The following FAM162B variants were observed in gnomAD, a reference collection of about 807,000 sequenced individuals.
The protein encoded by FAM162B is family with sequence similarity 162 member B.
Under a neutral mutation model 20.0 loss-of-function variants are expected in FAM162B, and 16 were observed. The ratio of observed to expected loss-of-function variants is 0.80; its 90% CI spans 0.54 to 1.21. FAM162B has a LOEUF of 1.21. FAM162B is among the 50% of genes most tolerant of loss of function. FAM162B has a pLI of 0.00. For synonymous variants in FAM162B, 83 were observed against 89.7 expected, an observed-to-expected ratio of 0.93 and a Z score of 0.42; for missense variants, 260 against 227.5, an observed-to-expected ratio of 1.14 and a Z score of -0.92.
chr6:116,759,309 T>C (rs576131299), intron 3 of FAM162B, among the ~76,000 whole-genome samples: 4 of 149,458 alleles, frequency 2.7e-5, no homozygotes, highest in African/African-American at 9.8e-5. Context: ...CTTTTTTTTT[T>C]TTTTTTTATT....
chr6:116,764,518 T>A (rs975455750), intron 2 of FAM162B, among the ~76,000 whole-genome samples: 3 of 152,002 alleles, frequency 2.0e-5, no homozygotes, highest in African/African-American at 7.3e-5. Flanking sequence ...TTAGTTTGAG[T>A]TTTATCATCT....
At chr6:116,760,548 G>A (rs967981446) in intron 3 of FAM162B, among the ~76,000 whole-genome samples, 2 of 152,196 alleles carry the variant, frequency 1.3e-5, no homozygotes, top group Non-Finnish European at 2.9e-5. Flanking sequence ...TAAACAAATT[G>A]TCTAATTAAT....
chr6:116,762,076 C>A lies in FAM162B; in HGVS notation c.291G>T (p.Met97Ile), dbSNP rs778832747. Residue 97 changes from methionine (M) to isoleucine (I), a missense_variant, in exon 3 of 4, where the codon ATG (methionine) becomes ATT (isoleucine). Physicochemically the swap from Met to Ile is conservative, Grantham distance 10. Coordinates refer to ENST00000368557, the MANE Select transcript of FAM162B (RefSeq NM_001085480.3). The part of the protein sequence containing the change: ...EEIPPRIPPE[M>I]IDTARNKARV... ...GAGCTTTGTTTCTTGCGGTGTCTAT[C>A]ATTTCTGGCCTAAACAAAGATGTGT... The A allele has an allele frequency of 1.9e-6, 3 of 1,577,484 alleles. No individual in the cohort carries two copies. Among genetic ancestry groups the A allele is most frequent in the South Asian group, 1.2e-5 (1 of 86,650 alleles).
chr6:116,765,006 T>A, intron 2 of FAM162B, 141 bp downstream of exon 2: 2 of 721,178 alleles, frequency 2.8e-6, no homozygotes, highest in South Asian at 3.2e-5. Context: ...GTGGGTAAAC[T>A]CCGTGTGTGG....
In FAM162B at chr6:116,758,189, A is replaced by C. The variant is rs571729234; in HGVS notation, c.390+3788T>G. Among the ~76,000 whole-genome samples the C allele has an allele frequency of 9.2e-5, 14 of 152,338 alleles. No individual in the cohort carries two copies. The East Asian group carries it at 2.5e-3, about 27-fold the overall frequency. On this transcript the variant is annotated intron_variant, in intron 3 of 3. Transcript: ENST00000368557. ...AATCATTTACAATAGGCAGAAAAGCAAAATATACAGGATTATGTGTCATAA... is the reference window on the plus strand; with the variant it reads ...AATCATTTACAATAGGCAGAAAAGCCAAATATACAGGATTATGTGTCATAA...
rs1779998802 is a variant in FAM162B at position 116,752,241 on chromosome 6, G to GA, written c.*355dup. 1 of 153,124 alleles carries GA rather than the reference G, an allele frequency of 6.5e-6. No homozygotes were observed. Among genetic ancestry groups the GA allele is most frequent in the Admixed American group, 6.5e-5 (1 of 15,332 alleles). 9.5% of individuals were successfully genotyped at this position (153,124 alleles called of 1,614,324 possible). On this transcript the variant is annotated 3_prime_UTR_variant, in exon 4 of 4. Coordinates refer to ENST00000368557, the MANE Select transcript of FAM162B (RefSeq NM_001085480.3). ...TATAAAGTTCAAAAACAGGCAAAATGAATCAAAGGTGATGAAACTCAGAAA... is the reference window on the plus strand; with the variant it reads ...TATAAAGTTCAAAAACAGGCAAAATGAAATCAAAGGTGATGAAACTCAGAAA...
chr6:116,757,583 C>T (rs1172390913), intron 3 of FAM162B, among the ~76,000 whole-genome samples: 1 of 151,790 alleles, frequency 6.6e-6, no homozygotes, highest in Non-Finnish European at 1.5e-5. Flanking sequence ...CTCATTTCTA[C>T]AAAAAATACA....
In FAM162B at chr6:116,765,551, A is replaced by C. The variant is rs756535136; in HGVS notation, c.26T>G (p.Leu9Arg). Residue 9 changes from leucine to arginine, a missense_variant, in exon 1 of 4, where the codon CTG becomes CGG. Transcript: ENST00000368557. MLRAVGSL[L>R]RLGRGLTVRC... is the part of the protein sequence containing the mutation. Reference sequence around the variant, plus strand: ...GACTGTTAGCCCGCGGCCAAGGCGCAGTAGGCTCCCGACCGCCCTGAGCAT... The same window carrying C: ...GACTGTTAGCCCGCGGCCAAGGCGCCGTAGGCTCCCGACCGCCCTGAGCAT... 4 of 1,384,918 alleles carry C rather than the reference A, an allele frequency of 2.9e-6. No homozygotes were observed. In the Admixed American group the frequency reaches 1.0e-4, roughly 34 times the overall value. 85.8% of individuals were successfully genotyped at this position (1,384,918 alleles called of 1,614,324 possible). A position where few individuals can be genotyped will look rare whatever the true frequency, so the allele number is the denominator to read the frequency against.
chr6:116,757,636 A>C (rs11153628), intron 3 of FAM162B, among the ~76,000 whole-genome samples: 52,238 of 151,342 alleles, frequency 0.35, 9,601 homozygotes, highest in African/African-American at 0.48. Flanking sequence ...GTGGTCCCAG[A>C]TACTTAGGAG....
chr6:116,764,140 T>C (rs915287514), intron 2 of FAM162B, among the ~76,000 whole-genome samples: 3 of 152,166 alleles, frequency 2.0e-5, no homozygotes, highest in Admixed American at 2.0e-4. Flanking sequence ...CTTTGGTAAC[T>C]GATAAACTGC....
intron 3 of FAM162B, among the ~76,000 whole-genome samples, chr6:116,759,797 A>G (rs1334185355): frequency 2.6e-5 from 4 of 151,562 alleles, no homozygotes; most frequent in Admixed American, 2.6e-4. Flanking sequence ...TGCTCATTAT[A>G]CTCCATCCAC....
chr6:116,757,537 A>C (rs2114548826), intron 3 of FAM162B, among the ~76,000 whole-genome samples: 1 of 152,254 alleles, frequency 6.6e-6, no homozygotes, highest in African/African-American at 2.4e-5. Flanking sequence ...CTTTGAGTTT[A>C]GGAGTTTGAG....
chr6:116,765,637 G>C lies in FAM162B; in HGVS notation c.-61C>G. On this transcript the variant is annotated 5_prime_UTR_variant, in exon 1 of 4. Coordinates refer to ENST00000368557, the MANE Select transcript of FAM162B (RefSeq NM_001085480.3). ...GGACCCAGCCACAGGCGTTGTCCCC[G>C]CAGCTCTCCTCGTCCCGCCCCGGCC... The C allele has an allele frequency of 7.9e-7, 1 of 1,261,018 alleles. No individual in the cohort carries two copies. The highest frequency in any genetic ancestry group is 1.5e-5 in the African/African-American group (1 of 64,582). The allele number at this position is 1,261,018 out of a possible 1,614,324, so 78.1% of individuals were successfully genotyped here.
intron 3 of FAM162B, among the ~76,000 whole-genome samples, chr6:116,754,430 A>T (rs1376266752): frequency 6.6e-6 from 1 of 152,216 alleles, no homozygotes; most frequent in African/African-American, 2.4e-5. Flanking sequence ...TGTCAAACTG[A>T]GTCTAAATAA....
intron 2 of FAM162B, among the ~76,000 whole-genome samples, chr6:116,763,613 A>C (rs1420565134): frequency 6.6e-6 from 1 of 152,140 alleles, no homozygotes; most frequent in East Asian, 1.9e-4. Context: ...TTTCTGTAAA[A>C]TGAGTCTGTT....
chr6:116,754,134 C>T (rs563170543), intron 3 of FAM162B, among the ~76,000 whole-genome samples: 2 of 152,232 alleles, frequency 1.3e-5, no homozygotes, highest in African/African-American at 4.8e-5. Flanking sequence ...ATATTCTTTT[C>T]TTGGTTGAAG....
chr6:116,757,015 T>C (rs1780059130), intron 3 of FAM162B, among the ~76,000 whole-genome samples: 1 of 152,228 alleles, frequency 6.6e-6, no homozygotes, highest in South Asian at 2.1e-4. Flanking sequence ...CTTATATGGA[T>C]AATTTTGTAA....
intron 3 of FAM162B, among the ~76,000 whole-genome samples, chr6:116,755,211 T>A (rs558924869): frequency 1.3e-5 from 2 of 152,182 alleles, no homozygotes; most frequent in East Asian, 3.9e-4. Context: ...ACGTTGTGAA[T>A]GCAAAGGAAA....
chr6:116,754,192 C>CT (rs1403560970), intron 3 of FAM162B, among the ~76,000 whole-genome samples: 11 of 152,206 alleles, frequency 7.2e-5, no homozygotes, highest in African/African-American at 2.6e-4. Flanking sequence ...AGAGGAGTGG[C>CT]TTTGAAGTGC....
Sources: gnomAD v4.1 joint callset for allele counts (sites outside exome capture counted in the v4.1 genomes callset) on GRCh38, gnomAD v4.1.1 for gene constraint, MANE v1.5 for transcripts, NCBI Gene and HGNC (gene_info 2026-07-23, HGNC 2026-07-21) for gene names.